Variants in CSMD1 observed in about 807,000 individuals in gnomAD.
CSMD1 encodes CUB and Sushi multiple domains 1.
A neutral mutation model predicts 417.5 loss-of-function variants in CSMD1; 213 were observed. The ratio of observed to expected loss-of-function variants is 0.51; its 90% confidence interval spans 0.46 to 0.57. CSMD1 has a LOEUF of 0.57. Ranked by LOEUF, CSMD1 falls within the 20% of genes least tolerant of loss-of-function variation. CSMD1 has a pLI of 0.00. For missense variants in CSMD1, 6,923 were observed against 4,529.7 expected, an observed-to-expected ratio of 1.53 and a Z score of -15.17; for synonymous variants, 2,862 against 1,736.8, an observed-to-expected ratio of 1.65 and a Z score of -16.11.
At chr8:3,492,115 T>A (rs1315107972) in intron 11 of CSMD1, among the ~76,000 whole-genome samples, 1 of 152,166 alleles carries the variant, frequency 6.6e-6, no homozygotes, top group East Asian at 1.9e-4. Context: ...AAGGCGTGTG[T>A]CTGAACTACT....
intron 35 of CSMD1, among the ~76,000 whole-genome samples, 163 bp downstream of exon 35, chr8:3,188,724 G>T (rs1796238691): frequency 6.6e-6 from 1 of 151,910 alleles, no homozygotes; most frequent in South Asian, 2.1e-4. Flanking sequence ...TAAGAAAAGG[G>T]AAACAGAGTA....
intron 5 of CSMD1, among the ~76,000 whole-genome samples, chr8:3,790,563 A>G (rs1171925307): frequency 1.3e-5 from 2 of 152,214 alleles, no homozygotes; most frequent in Non-Finnish European, 2.9e-5. Flanking sequence ...ACAACTAGGA[A>G]CAATCATAAT....
chr8:4,409,652 T>C (rs1478889536), intron 3 of CSMD1, among the ~76,000 whole-genome samples: 136 of 151,320 alleles, frequency 9.0e-4, no homozygotes, highest in African/African-American at 3.0e-3. Context: ...CTTTTTTTTT[T>C]TTTTTTTTTT....
chr8:3,110,417 CT>C, intron 42 of CSMD1, 82 bp from the exon 43 acceptor site: 1 of 1,180,396 alleles, frequency 8.5e-7, no homozygotes, highest in Non-Finnish European at 1.1e-6. Context: ...TCCAAAGTAC[CT>C]TAGCCAACAT....
chr8:4,048,059 T>C (rs1053156745), intron 3 of CSMD1, among the ~76,000 whole-genome samples: 1 of 152,190 alleles, frequency 6.6e-6, no homozygotes, highest in African/African-American at 2.4e-5. Context: ...TTCATTCTTT[T>C]CCAAATATTT....
At chr8:4,853,813 G>C (rs999082832) in intron 1 of CSMD1, among the ~76,000 whole-genome samples, 1 of 152,188 alleles carries the variant, frequency 6.6e-6, no homozygotes, top group Non-Finnish European at 1.5e-5. Context: ...CAGTGGACCT[G>C]ACCAAAGCCT....
In CSMD1 at chr8:4,319,588, T is replaced by C. The variant is rs73504670; in HGVS notation, c.415+100365A>G. On this transcript the variant is annotated intron_variant, in intron 3 of 69. Coordinates refer to ENST00000635120, the MANE Select transcript of CSMD1 (RefSeq NM_033225.6). The stretch of plus-strand genomic sequence containing the variant: ...TTGTTGGCTGTTGAATAACAGGAAA[T>C]ACAGAGTGGTGATTCCTGAGAGAAG... Among the ~76,000 whole-genome samples the C allele has an allele frequency of 1.1e-3, 174 of 152,174 alleles. 1 individual carries two copies. Among genetic ancestry groups the C allele is most frequent in the African/African-American group, 4.0e-3 (166 of 41,516 alleles).
In CSMD1 at chr8:4,144,723, G is replaced by C. The variant is rs969335781; in HGVS notation, c.416-112624C>G. 2.6e-5 allele frequency among the ~76,000 whole-genome samples: 4 copies of C among 151,138 alleles called. No homozygotes were observed. The East Asian group carries it at 7.7e-4, about 29-fold the overall frequency. ...GGCAAAGAGTGGAGATTTCCTCATT[G>C]ACCTCTTCCAACTTTCTAGAGACTT... On this transcript the variant is annotated intron_variant, in intron 3 of 69. Transcript: ENST00000635120.
At chr8:4,170,751 A>G (rs1277400988) in intron 3 of CSMD1, among the ~76,000 whole-genome samples, 1 of 151,832 alleles carries the variant, frequency 6.6e-6, no homozygotes, top group Admixed American at 6.5e-5. Context: ...TACTGTTTAG[A>G]AAAAGGTAGC....
At chr8:3,293,729 TA>T (rs1436962991) in intron 25 of CSMD1, among the ~76,000 whole-genome samples, 2 of 151,078 alleles carry the variant, frequency 1.3e-5, no homozygotes, top group Non-Finnish European at 3.0e-5. Context: ...GCCATTCGTT[TA>T]ATTTTTTTTA....
chr8:3,422,495 A>G (rs1813557870), intron 12 of CSMD1, among the ~76,000 whole-genome samples: 1 of 152,160 alleles, frequency 6.6e-6, no homozygotes, highest in African/African-American at 2.4e-5. Context: ...GTCTGTCTGA[A>G]AGCATTTTAA....
At chr8:4,634,705 A>G (rs1802722720) in intron 2 of CSMD1, among the ~76,000 whole-genome samples, 1 of 152,200 alleles carries the variant, frequency 6.6e-6, no homozygotes, top group African/African-American at 2.4e-5. Flanking sequence ...AACGAATAGC[A>G]TTAGAGTGCT....
chr8:4,342,205 CTGTGTGTGTG>C (rs58235838), intron 3 of CSMD1, among the ~76,000 whole-genome samples: 100,749 of 150,580 alleles, frequency 0.67, 34,248 homozygotes, highest in Admixed American at 0.75. Flanking sequence ...AGTGCTGTGT[CTGTGTGTGTG>C]TGTGTGTGTG....
chr8:3,693,579 A>G (rs1263567702), intron 7 of CSMD1, among the ~76,000 whole-genome samples: 2 of 152,208 alleles, frequency 1.3e-5, no homozygotes, highest in Non-Finnish European at 2.9e-5. Flanking sequence ...TACAGTGAAT[A>G]GAACACTAAA....
intron 1 of CSMD1, among the ~76,000 whole-genome samples, chr8:4,887,315 A>T (rs1407678233): frequency 6.6e-6 from 1 of 152,092 alleles, no homozygotes; most frequent in Non-Finnish European, 1.5e-5. Context: ...CTCAATTACA[A>T]TGTGTTAAAG....
intron 7 of CSMD1, among the ~76,000 whole-genome samples, chr8:3,674,354 C>G (rs1262746932): frequency 6.6e-6 from 1 of 152,090 alleles, no homozygotes; most frequent in Non-Finnish European, 1.5e-5. Flanking sequence ...TGAAGATTAA[C>G]AAATTATCAT....
chr8:4,154,349 C>G (rs1168505314), intron 3 of CSMD1, among the ~76,000 whole-genome samples: 1 of 152,198 alleles, frequency 6.6e-6, no homozygotes. Flanking sequence ...AGTATTCAGT[C>G]AAGCAAATGT....
chr8:4,224,707 T>C (rs1801239625), intron 3 of CSMD1, among the ~76,000 whole-genome samples: 1 of 152,250 alleles, frequency 6.6e-6, no homozygotes, highest in African/African-American at 2.4e-5. Context: ...GAATTACTAA[T>C]ATAGCTTCTT....
At chr8:4,573,985 A>C (rs1159463865) in intron 2 of CSMD1, among the ~76,000 whole-genome samples, 2 of 152,156 alleles carry the variant, frequency 1.3e-5, no homozygotes, top group East Asian at 3.9e-4. Flanking sequence ...ACCAAGCTCA[A>C]GTCTCCCAGC....
Sources: gnomAD v4.1 joint callset for allele counts (sites outside exome capture counted in the v4.1 genomes callset) on GRCh38, gnomAD v4.1.1 for gene constraint, MANE v1.5 for transcripts, NCBI Gene and HGNC (gene_info 2026-07-23, HGNC 2026-07-21) for gene names.